ETAA1: variants seen among roughly 807,000 people sequenced by gnomAD.
The protein encoded by ETAA1 is ETAA1 activator of ATR kinase, also known as ewing's tumor-associated antigen 1.
A neutral mutation model predicts 76.8 loss-of-function variants in ETAA1; 49 were observed. That is an observed-to-expected ratio of 0.64 (90% CI 0.51 to 0.81). The LOEUF is 0.81. Among genes scored for constraint, ETAA1 ranks in the 30% least tolerant of loss-of-function variants. ETAA1 has a pLI of 0.00. For missense variants in ETAA1, 1,099 were observed against 1,074.0 expected, an observed-to-expected ratio of 1.02 and a Z score of -0.32; for synonymous variants, 373 against 372.2, an observed-to-expected ratio of 1.00 and a Z score of -0.03.
intron 1 of ETAA1, among the ~76,000 whole-genome samples, chr2:67,398,175 A>G (rs916126496): frequency 6.6e-6 from 1 of 152,138 alleles, no homozygotes; most frequent in Admixed American, 6.6e-5. Flanking sequence ...ATCCCTCCAA[A>G]TAAGATACTA....
Position 67,405,028 on chromosome 2 carries a change from T to C in ETAA1, c.2346T>C (p.His782=). Reference sequence around the variant, plus strand: ...CAAGTTTGAATGTAACTTCAGATCATATGAATACAGAAATTACTACTTATA... The same window carrying C: ...CAAGTTTGAATGTAACTTCAGATCACATGAATACAGAAATTACTACTTATA... The part of the protein sequence containing the change: ...GSSSLNVTSD[H]MNTEITTYKK... Residue 782 remains histidine (H), a synonymous_variant, in exon 5 of 6, where the codon CAT becomes CAC. Transcript: ENST00000272342. 1.2e-6 allele frequency: 2 copies of C among 1,611,706 alleles called. No homozygotes were observed. Among genetic ancestry groups the C allele is most frequent in the South Asian group, 1.1e-5 (1 of 90,894 alleles).
intron 3 of ETAA1, chr2:67,400,915 AT>A (rs1201793816): frequency 1.3e-5 from 2 of 152,188 alleles, no homozygotes; most frequent in Non-Finnish European, 2.9e-5. Flanking sequence ...TGTCATAGAA[AT>A]TCATTTTACT....
Position 67,402,877 on chromosome 2 carries a change from A to G in ETAA1, c.445A>G (p.Thr149Ala), listed in dbSNP as rs752859421. The change falls in exon 4 of 6, where the codon ACA becomes GCA. Residue 149 changes from threonine (T) to alanine (A), a missense_variant. Physicochemically the swap from Thr to Ala is moderately conservative, Grantham distance 58. This residue lies in a region of ETAA1 where 761 missense variants were observed against 731.9 expected (regional missense o/e 1.04). Coordinates refer to ENST00000272342, the MANE Select transcript of ETAA1 (RefSeq NM_019002.4). ...RIAPQDEKPTTNSMLDMWIGE... is the reference protein window; with the variant it reads ...RIAPQDEKPTANSMLDMWIGE... ...TCTGCCAAAGGATGAAAAACCAACA[A>G]CAAATTCTATGCTGGACATGTGGAT... 15 of 1,589,742 alleles carry G rather than the reference A, an allele frequency of 9.4e-6. No homozygotes were observed. The highest frequency in any genetic ancestry group is 7.0e-5 in the East Asian group (3 of 43,148).
At position 67,399,155 on chromosome 2, in the gene ETAA1, C is replaced by A; in HGVS notation, c.224-14C>A. The A allele has an allele frequency of 1.2e-6, 2 of 1,600,744 alleles. No homozygotes were observed. The highest frequency in any genetic ancestry group is 1.7e-6 in the Non-Finnish European group (2 of 1,175,138). ...AAAATGCAACAATTGTTATTTTACTCATATTTTATATAGAAAGGTATGAAA... is the reference window on the plus strand; with the variant it reads ...AAAATGCAACAATTGTTATTTTACTAATATTTTATATAGAAAGGTATGAAA... On this transcript the variant is annotated splice_polypyrimidine_tract_variant and intron_variant, in intron 1 of 5. Coordinates refer to ENST00000272342, the MANE Select transcript of ETAA1 (RefSeq NM_019002.4).
At chr2:67,400,216 G>C (rs1357612220) in intron 3 of ETAA1, 4 of 152,172 alleles carry the variant, frequency 2.6e-5, no homozygotes, top group East Asian at 1.9e-4. Context: ...GTCTTCATTG[G>C]ATCATTATGA....
In ETAA1 at chr2:67,407,636, C is replaced by T. The variant is rs150733048; in HGVS notation, c.2654-2275C>T. On this transcript the variant is annotated intron_variant, in intron 5 of 5. Transcript: ENST00000272342. Reference sequence around the variant, plus strand: ...TTAACTGCTAATAGCCTGCTGTTGACCAGAAACCTTTCCGATAACATAATT... The same window carrying T: ...TTAACTGCTAATAGCCTGCTGTTGATCAGAAACCTTTCCGATAACATAATT... Among the ~76,000 whole-genome samples the T allele has an allele frequency of 2.9e-4, 44 of 152,106 alleles. No individual in the cohort carries two copies. In the East Asian group the frequency reaches 5.6e-3, roughly 19 times the overall value.
At chr2:67,399,384 G>C (rs1675990860) in intron 2 of ETAA1, 87 bp downstream of exon 2, 1 of 1,290,148 alleles carries the variant, frequency 7.8e-7, no homozygotes, top group Non-Finnish European at 1.1e-6. Flanking sequence ...TAATAGCATC[G>C]GGAACCTCTG....
Position 67,403,512 on chromosome 2 carries a change from T to C in ETAA1, c.830T>C (p.Ile277Thr), listed in dbSNP as rs576770924. Residue 277 changes from isoleucine (I) to threonine (T), a missense_variant, in exon 5 of 6, where the codon ATT (isoleucine) becomes ACT (threonine). This residue lies in a region of ETAA1 where 761 missense variants were observed against 731.9 expected (regional missense o/e 1.04). Coordinates refer to ENST00000272342, the MANE Select transcript of ETAA1 (RefSeq NM_019002.4). ...AGCAGTCAGAAGCCATTTGACCAAA[T>C]TGCTGAAGCAGCCTTTAATGCTATT... is the stretch of plus-strand genomic sequence containing the variant. ...QNSSQKPFDQ[I>T]AEAAFNAIFD... is the part of the protein sequence containing the mutation. 7.6e-5 allele frequency: 122 copies of C among 1,613,570 alleles called. 1 individual carries two copies. In the South Asian group the frequency reaches 1.3e-3, roughly 18 times the overall value.
In ETAA1 at chr2:67,404,708, G is replaced by T; in HGVS notation, c.2026G>T (p.Ala676Ser). ...GATCAATAATAATTCCGAACATGGA[G>T]CCAAAAACATGTTTGCTATATCTAA... The part of the protein sequence containing the change: ...CEINNNSEHG[A>S]KNMFAISKQG... The change falls in exon 5 of 6, where the codon GCC becomes TCC. Residue 676 changes from alanine to serine, a missense_variant. Ala to Ser is a moderately conservative substitution (Grantham distance 99). Around this residue, in one of 3 missense-constraint regions of ETAA1, gnomAD observed 36 missense variants for 64.0 expected, o/e 0.56. Coordinates refer to ENST00000272342, the MANE Select transcript of ETAA1 (RefSeq NM_019002.4). 6.2e-7 allele frequency: 1 copy of T among 1,613,394 alleles called. No homozygotes were observed. Among genetic ancestry groups the T allele is most frequent in the Non-Finnish European group, 8.5e-7 (1 of 1,179,568 alleles).
chr2:67,403,872 T>C lies in ETAA1; in HGVS notation c.1190T>C (p.Ile397Thr). Reference sequence around the variant, plus strand: ...AGTGAACCTTTTGCTATGCAAAATATCGACATGCCTGAACTCTTTCCTTCT... The same window carrying C: ...AGTGAACCTTTTGCTATGCAAAATACCGACATGCCTGAACTCTTTCCTTCT... ...LGSEPFAMQNIDMPELFPSKT... is the reference protein window; with the variant it reads ...LGSEPFAMQNTDMPELFPSKT... Residue 397 changes from isoleucine to threonine, a missense_variant, in exon 5 of 6, where the codon ATC becomes ACC. Ile to Thr is a moderately conservative substitution (Grantham distance 89). This residue lies in a region of ETAA1 where 761 missense variants were observed against 731.9 expected (regional missense o/e 1.04). Transcript: ENST00000272342. 1.9e-6 allele frequency: 3 copies of C among 1,613,172 alleles called. No homozygotes were observed. Among genetic ancestry groups the C allele is most frequent in the African/African-American group, 1.3e-5 (1 of 75,020 alleles).
rs1265689142 is a variant in ETAA1, at chr2:67,403,961, A to C, written c.1279A>C (p.Thr427Pro). Reference sequence around the variant, plus strand: ...CTTTAATAGTAAAACTGTTAAAAATACGTCAAGAGCAAATACAAGTCCAGA... The same window carrying C: ...CTTTAATAGTAAAACTGTTAAAAATCCGTCAAGAGCAAATACAAGTCCAGA... ...CTFNSKTVKNTSRANTSPDAR... is the reference protein window; with the variant it reads ...CTFNSKTVKNPSRANTSPDAR... Residue 427 changes from threonine to proline, a missense_variant, in exon 5 of 6, where the codon ACG becomes CCG. Physicochemically the swap from Thr to Pro is conservative, Grantham distance 38. Around this residue, in one of 3 missense-constraint regions of ETAA1, gnomAD observed 761 missense variants for 731.9 expected, o/e 1.04. Transcript: ENST00000272342. 3.1e-6 allele frequency: 5 copies of C among 1,609,050 alleles called. No individual in the cohort carries two copies. The highest frequency in any genetic ancestry group is 3.4e-5 in the Admixed American group (2 of 58,800).
intron 3 of ETAA1, 81 bp downstream of exon 3, chr2:67,399,707 AG>A: frequency 2.1e-6 from 2 of 930,722 alleles, no homozygotes; most frequent in Non-Finnish European, 3.3e-6. Flanking sequence ...TTAAATGAAA[AG>A]TATTGTCTAT....
intron 5 of ETAA1, among the ~76,000 whole-genome samples, chr2:67,407,246 TAAAA>T (rs71395915): frequency 2.0e-5 from 2 of 102,284 alleles, no homozygotes; most frequent in East Asian, 2.9e-4. Context: ...GCTGATGAAC[TAAAA>T]AAAAAAAAAA....
chr2:67,410,080 T>G lies in ETAA1; in HGVS notation c.*42T>G, dbSNP rs1005620292. Reference sequence around the variant, plus strand: ...AGACTTCACGAAGACTGCTGATAACTATCTGTGATTGATAGGAAATTTTTT... The same window carrying G: ...AGACTTCACGAAGACTGCTGATAACGATCTGTGATTGATAGGAAATTTTTT... On this transcript the variant is annotated 3_prime_UTR_variant, in exon 6 of 6. Transcript: ENST00000272342. 5 of 1,554,286 alleles carry G rather than the reference T, an allele frequency of 3.2e-6. No individual in the cohort carries two copies. The highest frequency in any genetic ancestry group is 4.3e-6 in the Non-Finnish European group (5 of 1,157,284).
chr2:67,403,063 A>T, intron 4 of ETAA1, 89 bp downstream of exon 4: 3 of 1,207,170 alleles, frequency 2.5e-6, no homozygotes, highest in Non-Finnish European at 3.4e-6. Flanking sequence ...ATATATCAAA[A>T]TTTTTGTTAA....
chr2:67,403,169 C>T, intron 4 of ETAA1, 56 bp from the exon 5 acceptor site: 1 of 1,250,132 alleles, frequency 8.0e-7, no homozygotes, highest in East Asian at 2.4e-5. Flanking sequence ...TGTTAAATAA[C>T]AGTTGGATAT....
Position 67,399,233 on chromosome 2 carries a change from T to C in ETAA1, c.288T>C (p.Pro96=). Reference sequence around the variant, plus strand: ...CACTGTCATCTTCCTTCAGTTCTCCTAATGATCCAGATGGACAGAATGATA... The same window carrying C: ...CACTGTCATCTTCCTTCAGTTCTCCCAATGATCCAGATGGACAGAATGATA... The part of the protein sequence containing the change: ...MDSLSSSFSS[P]NDPDGQNDIF... The change falls in exon 2 of 6, where the codon CCT becomes CCC. Residue 96 remains proline, a synonymous_variant. Transcript: ENST00000272342. 1 of 1,613,480 alleles carries C rather than the reference T, an allele frequency of 6.2e-7. No homozygotes were observed. The highest frequency in any genetic ancestry group is 8.5e-7 in the Non-Finnish European group (1 of 1,179,486).
At position 67,405,105 on chromosome 2, in the gene ETAA1, C is replaced by G. The variant is rs771917424; in HGVS notation, c.2423C>G (p.Ala808Gly). The G allele has an allele frequency of 1.3e-5, 21 of 1,612,456 alleles. No individual in the cohort carries two copies. The highest frequency in any genetic ancestry group is 1.8e-5 in the Non-Finnish European group (21 of 1,179,168). ...QPCHKTVTDE[A>G]QSNLNTTVGF... is the part of the protein sequence containing the mutation. Reference sequence around the variant, plus strand: ...TGCCATAAGACTGTAACAGATGAAGCTCAGAGCAACCTTAACACAACAGTT... The same window carrying G: ...TGCCATAAGACTGTAACAGATGAAGGTCAGAGCAACCTTAACACAACAGTT... Residue 808 changes from alanine (A) to glycine (G), a missense_variant, in exon 5 of 6, where the codon GCT becomes GGT. By Grantham distance (60) the Ala-to-Gly change is moderately conservative. Transcript: ENST00000272342.
rs760592300 is a variant in ETAA1 at position 67,404,651 on chromosome 2, A to G, written c.1969A>G (p.Lys657Glu). The G allele has an allele frequency of 1.2e-6, 2 of 1,613,252 alleles. No individual in the cohort carries two copies. Among genetic ancestry groups the G allele is most frequent in the Non-Finnish European group, 1.7e-6 (2 of 1,179,564 alleles). ...ACTAACTCAGCAACAAGACATTAGA[A>G]AGGACAGTAAGACATCAGAAAGTAT... ...AKLTQQQDIR[K>E]DSKTSESICE... The change falls in exon 5 of 6, where the codon AAG becomes GAG. Residue 657 changes from lysine (K) to glutamate (E), a missense_variant. Physicochemically the swap from Lys to Glu is moderately conservative, Grantham distance 56. Around this residue, in one of 3 missense-constraint regions of ETAA1, gnomAD observed 36 missense variants for 64.0 expected, o/e 0.56. Transcript: ENST00000272342.
Sources: gnomAD v4.1 joint callset for allele counts (sites outside exome capture counted in the v4.1 genomes callset) on GRCh38, gnomAD v4.1.1 for gene constraint, gnomAD v4.1.1 regional missense constraint, MANE v1.5 for transcripts, NCBI Gene and HGNC (gene_info 2026-07-23, HGNC 2026-07-21) for gene names.